POC5: variants seen among roughly 807,000 people sequenced by gnomAD.
The protein encoded by POC5 is POC5 centriolar protein.
Under a neutral mutation model 62.9 loss-of-function variants are expected in POC5, and 48 were observed. The ratio of observed to expected loss-of-function variants is 0.76; its 90% CI spans 0.61 to 0.97. The LOEUF is 0.97. Among genes scored for constraint, POC5 ranks in the 50% least tolerant of loss-of-function variants. The probability of loss-of-function intolerance (pLI) is 0.00; values close to 1 mark genes in which losing one functional copy is unlikely to be tolerated. For synonymous variants in POC5, 236 were observed against 228.2 expected, an observed-to-expected ratio of 1.03 and a Z score of -0.31; for missense variants, 696 against 679.5, an observed-to-expected ratio of 1.02 and a Z score of -0.27.
chr5:75,677,383 G>A (rs1021773285), intron 11 of POC5: 5 of 152,798 alleles, frequency 3.3e-5, no homozygotes, highest in African/African-American at 9.6e-5. Flanking sequence ...AAATGTAGGG[G>A]AGTTTTCTTG....
At chr5:75,689,947 T>C (rs1776252907) in intron 8 of POC5, among the ~76,000 whole-genome samples, 1 of 152,194 alleles carries the variant, frequency 6.6e-6, no homozygotes, top group Non-Finnish European at 1.5e-5. Context: ...AGTGCAACAG[T>C]GTGATATAGC....
rs753890260 is a variant in POC5 at position 75,692,414 on chromosome 5, A to G, written c.777T>C (p.His259=). The change falls in exon 7 of 12, where the codon CAT becomes CAC. Residue 259 remains histidine (H), a synonymous_variant. Coordinates refer to ENST00000428202, the MANE Select transcript of POC5 (RefSeq NM_001099271.2). ...MRTFFHWRIG[H]VRARQDVYEG... ...CACTTACATCCTGTCTGGCTCTGAC[A>G]TGGCCGATTCGCCAGTGGAAGAATG... 5 of 1,593,456 alleles carry G rather than the reference A, an allele frequency of 3.1e-6. No homozygotes were observed. Among genetic ancestry groups the G allele is most frequent in the Admixed American group, 3.5e-5 (2 of 57,594 alleles).
chr5:75,712,988 G>C, intron 1 of POC5, 37 bp from the exon 2 acceptor site: 2 of 1,401,030 alleles, frequency 1.4e-6, no homozygotes, highest in Non-Finnish European at 2.0e-6. Context: ...TTTTTTCCTT[G>C]ATATTTAAGA....
At chr5:75,675,123 C>T (rs965581022) in intron 11 of POC5, among the ~76,000 whole-genome samples, 9 of 152,300 alleles carry the variant, frequency 5.9e-5, no homozygotes, top group African/African-American at 2.2e-4. Flanking sequence ...ATGCACATCA[C>T]CTCAGAGCTC....
intron 5 of POC5, among the ~76,000 whole-genome samples, chr5:75,699,110 T>A (rs1776747358): frequency 6.6e-6 from 1 of 152,178 alleles, no homozygotes; most frequent in Non-Finnish European, 1.5e-5. Context: ...CAGGACCAGA[T>A]GGATTCACAG....
At chr5:75,697,073 G>A (rs867788480) in intron 5 of POC5, among the ~76,000 whole-genome samples, 1 of 152,182 alleles carries the variant, frequency 6.6e-6, no homozygotes, top group South Asian at 2.1e-4. Flanking sequence ...CCAAATCTAC[G>A]TCTCATTGGT....
In POC5 at chr5:75,702,793, A is replaced by G; in HGVS notation, c.325T>C (p.Ser109Pro). The change falls in exon 5 of 12, where the codon TCG becomes CCG. Residue 109 changes from serine to proline, a missense_variant. Transcript: ENST00000428202. The part of the protein sequence containing the change: ...SKTDESSPVL[S>P]PRKPSHPVMD... ...ACTGGGTGAGAAGGCTTCCTTGGCGATAACACTGGTGATGACTCTGAATAA... is the reference window on the plus strand; with the variant it reads ...ACTGGGTGAGAAGGCTTCCTTGGCGGTAACACTGGTGATGACTCTGAATAA... 1 of 1,578,832 alleles carries G rather than the reference A, an allele frequency of 6.3e-7. No individual in the cohort carries two copies. Among genetic ancestry groups the G allele is most frequent in the South Asian group, 1.2e-5 (1 of 86,252 alleles).
At chr5:75,715,433 G>A (rs1777518135) in intron 1 of POC5, among the ~76,000 whole-genome samples, 2 of 152,104 alleles carry the variant, frequency 1.3e-5, no homozygotes, top group Admixed American at 6.6e-5. Context: ...ATGGTAGAAG[G>A]GGAAGCAGGC....
intron 1 of POC5, among the ~76,000 whole-genome samples, chr5:75,713,885 C>A (rs1295268471): frequency 1.3e-5 from 2 of 152,108 alleles, no homozygotes; most frequent in Non-Finnish European, 2.9e-5. Flanking sequence ...GAACAGCAAG[C>A]AGTTTGGTAA....
chr5:75,702,777 GAAGGC>G lies in POC5; in HGVS notation c.336_340del (p.Lys112AsnfsTer15). 1 of 1,589,284 alleles carries G rather than the reference GAAGGC, an allele frequency of 6.3e-7. No homozygotes were observed. The highest frequency in any genetic ancestry group is 8.6e-7 in the Non-Finnish European group (1 of 1,166,984). On this transcript the variant is annotated frameshift_variant, in exon 5 of 12. Transcript: ENST00000428202. LOFTEE classifies it high-confidence loss of function. ...ACTGAAAAAATCCATGACTGGGTGAGAAGGCTTCCTTGGCGATAACACTGGTGATG... is the reference window on the plus strand; with the variant it reads ...ACTGAAAAAATCCATGACTGGGTGAGTTCCTTGGCGATAACACTGGTGATG...
chr5:75,692,333 T>A (rs925002758), intron 7 of POC5, 63 bp downstream of exon 7: 1 of 1,135,852 alleles, frequency 8.8e-7, no homozygotes, highest in South Asian at 1.6e-5. Context: ...TAATAAGTGA[T>A]CCTGAGCACT....
chr5:75,699,517 AC>A (rs1226194088), intron 5 of POC5, among the ~76,000 whole-genome samples: 6 of 143,574 alleles, frequency 4.2e-5, no homozygotes, highest in Admixed American at 7.0e-5. Context: ...AAATTCAACA[AC>A]CCTTCATGCT....
chr5:75,705,874 C>T (rs1777097104), intron 3 of POC5, 87 bp from the exon 4 acceptor site: 2 of 785,152 alleles, frequency 2.5e-6, no homozygotes, highest in African/African-American at 1.8e-5. Context: ...GGTAGCAGTA[C>T]ATAATATTTT....
chr5:75,698,261 A>G (rs530696988), intron 5 of POC5, among the ~76,000 whole-genome samples: 20 of 146,590 alleles, frequency 1.4e-4, no homozygotes, highest in Admixed American at 4.1e-4. Flanking sequence ...TCAACAGAAT[A>G]TACATTTTTT....
chr5:75,678,040 G>A (rs1443098274), intron 10 of POC5, 90 bp from the exon 11 acceptor site: 5 of 1,061,252 alleles, frequency 4.7e-6, no homozygotes, highest in Non-Finnish European at 6.3e-6. Context: ...AGAATACACA[G>A]GCACTTAAAA....
In POC5 at chr5:75,685,284, C is replaced by T. The variant is rs2112098362; in HGVS notation, c.1330G>A (p.Ala444Thr). 6.2e-7 allele frequency: 1 copy of T among 1,614,056 alleles called. No individual in the cohort carries two copies. The highest frequency in any genetic ancestry group is 2.2e-5 in the East Asian group (1 of 44,888). The change falls in exon 10 of 12, where the codon GCT becomes ACT. Residue 444 changes from alanine to threonine, a missense_variant. Transcript: ENST00000428202. ...GGAACGTGAACAGAAGATGCGGAAG[C>T]AGCCCTGGTAGAAGTCATCGAAGCA... ...SAASMTSTRA[A>T]SASSVHVPVS... is the part of the protein sequence containing the mutation.
intron 5 of POC5, among the ~76,000 whole-genome samples, chr5:75,697,666 G>C (rs182314009): frequency 1.3e-5 from 2 of 151,680 alleles, no homozygotes; most frequent in African/African-American, 4.8e-5. Context: ...AAAATAATCA[G>C]CTAACATCAT....
intron 2 of POC5, among the ~76,000 whole-genome samples, chr5:75,708,863 T>A (rs562787323): frequency 5.6e-4 from 86 of 152,290 alleles, no homozygotes; most frequent in Admixed American, 5.6e-3. Context: ...GATGGAGTCT[T>A]GCTCTGTAGC....
chr5:75,696,078 A>G (rs111647749), intron 5 of POC5: 45,043 of 153,754 alleles, frequency 0.29, 6,748 homozygotes, highest in African/African-American at 0.35. Flanking sequence ...ACGAAGTCTC[A>G]CTGATTACTA....
Sources: allele counts gnomAD v4.1 joint callset (sites outside exome capture counted in the v4.1 genomes callset), GRCh38; gene constraint gnomAD v4.1.1; transcripts MANE v1.5; gene names NCBI Gene and HGNC (gene_info 2026-07-23, HGNC 2026-07-21).